DENND1A: variants seen among roughly 807,000 people sequenced by gnomAD.
DENND1A encodes the protein DENN domain-containing protein 1A.
DENND1A carries 51 observed loss-of-function variants against 113.7 expected under a neutral mutation model. The ratio of observed to expected loss-of-function variants is 0.45; its 90% CI spans 0.36 to 0.57. DENND1A has a LOEUF of 0.57. DENND1A is among the 20% of genes least tolerant of loss of function. The pLI, the probability that DENND1A is intolerant of heterozygous loss-of-function variation, is 0.00. For missense variants in DENND1A, 1,258 were observed against 1,395.9 expected (o/e 0.90, Z 1.57); for synonymous variants, 565 against 570.8 (o/e 0.99, Z 0.14).
At chr9:123,447,534 A>G (rs2047394618) in intron 18 of DENND1A, among the ~76,000 whole-genome samples, 1 of 152,114 alleles carries the variant, frequency 6.6e-6, no homozygotes, top group South Asian at 2.1e-4. Flanking sequence ...CACATTTTCT[A>G]TTTGCAATTC....
rs1434785869 is a variant in DENND1A, at chr9:123,386,455, C to T, written c.1760+1275G>A. On this transcript the variant is annotated intron_variant, in intron 22 of 23. Transcript: ENST00000394215. ...GGAGTACAGCAGTGTGATCTCGGCT[C>T]ACTGCAACCTCCGCCTCCCGGGTTC... 3.4e-5 allele frequency among the ~76,000 whole-genome samples: 5 copies of T among 146,842 alleles called. No homozygotes were observed. The Middle Eastern group carries it at 0.011, about 310-fold the overall frequency.
intron 2 of DENND1A, among the ~76,000 whole-genome samples, chr9:123,808,553 G>GT (rs1835994956): frequency 6.6e-6 from 1 of 151,856 alleles, no homozygotes; most frequent in Admixed American, 6.6e-5. Context: ...ACTAATATTT[G>GT]TATTTTTTTG....
chr9:123,744,209 C>T (rs1277473786), intron 5 of DENND1A, among the ~76,000 whole-genome samples: 1 of 152,158 alleles, frequency 6.6e-6, no homozygotes, highest in East Asian at 1.9e-4. Context: ...CTTTGGGATC[C>T]GATCCCCCAC....
chr9:123,396,476 C>T (rs530973571), intron 21 of DENND1A, among the ~76,000 whole-genome samples: 143 of 152,356 alleles, frequency 9.4e-4, no homozygotes, highest in Non-Finnish European at 1.6e-3. Flanking sequence ...AGTCTAGGCT[C>T]GAGGAGGGCA....
At chr9:123,785,645 G>A (rs539357067) in intron 3 of DENND1A, among the ~76,000 whole-genome samples, 2 of 152,284 alleles carry the variant, frequency 1.3e-5, no homozygotes, top group South Asian at 2.1e-4. Context: ...TTAGAAATCT[G>A]TAATGCAGTC....
chr9:123,829,771 T>A (rs1839910584), intron 2 of DENND1A, among the ~76,000 whole-genome samples: 1 of 152,182 alleles, frequency 6.6e-6, no homozygotes, highest in Non-Finnish European at 1.5e-5. Context: ...TATGGCTTCA[T>A]TAGTAAGTTC....
chr9:123,619,008 C>T (rs544693678), intron 10 of DENND1A, among the ~76,000 whole-genome samples: 9 of 152,140 alleles, frequency 5.9e-5, no homozygotes, highest in African/African-American at 9.7e-5. Context: ...AGTGCAGTGA[C>T]GCGATCTCAG....
At chr9:123,612,504 A>G (rs1262204780) in intron 10 of DENND1A, among the ~76,000 whole-genome samples, 1 of 152,212 alleles carries the variant, frequency 6.6e-6, no homozygotes, top group Non-Finnish European at 1.5e-5. Flanking sequence ...TAACAGCTTT[A>G]TATCTTTGAA....
chr9:123,812,228 T>C (rs928309607), intron 2 of DENND1A, among the ~76,000 whole-genome samples: 5 of 152,246 alleles, frequency 3.3e-5, no homozygotes, highest in Non-Finnish European at 7.3e-5. Flanking sequence ...ATTTTGCAGA[T>C]AGTACTTTTA....
At chr9:123,522,106 T>A (rs1052266424) in intron 13 of DENND1A, among the ~76,000 whole-genome samples, 3 of 152,202 alleles carry the variant, frequency 2.0e-5, no homozygotes, top group Non-Finnish European at 4.4e-5. Context: ...ATGACTAAAT[T>A]GCCCAACAAT....
intron 10 of DENND1A, among the ~76,000 whole-genome samples, chr9:123,613,042 TG>T (rs955627894): frequency 1.5e-4 from 23 of 152,272 alleles, no homozygotes; most frequent in Admixed American, 1.3e-3. Context: ...CTGGTAAGAA[TG>T]GTCAAGATGC....
chr9:123,562,884 TCCC>T (rs1445845780), intron 12 of DENND1A, among the ~76,000 whole-genome samples: 1 of 152,078 alleles, frequency 6.6e-6, no homozygotes, highest in Non-Finnish European at 1.5e-5. Flanking sequence ...TGGACTGAGT[TCCC>T]CGCAGGGCCA....
chr9:123,552,039 C>CAGAGAG lies in DENND1A; in HGVS notation c.993+5525_993+5530dup, dbSNP rs58452320. On this transcript the variant is annotated intron_variant, in intron 13 of 23. Coordinates refer to ENST00000394215, the MANE Select transcript of DENND1A (RefSeq NM_001352964.2). Reference sequence around the variant, plus strand: ...AGAGCGAGAGAGAGAGAGAGAGAGACAGAGAGAGAGAGAGAGAGAGAGAGA... The same window carrying CAGAGAG: ...AGAGCGAGAGAGAGAGAGAGAGAGACAGAGAGAGAGAGAGAGAGAGAGAGAGAGAGA... Among the ~76,000 whole-genome samples, 738 of 128,392 alleles carry CAGAGAG rather than the reference C, an allele frequency of 5.7e-3. 8 individuals are homozygous for CAGAGAG. The highest frequency in any genetic ancestry group is 0.015 in the African/African-American group (492 of 32,512). 84.2% of individuals were successfully genotyped at this position (128,392 alleles called of 152,430 possible). A position where few individuals can be genotyped will look rare whatever the true frequency, so the allele number is the denominator to read the frequency against.
At chr9:123,796,860 C>T (rs1590122009) in intron 2 of DENND1A, among the ~76,000 whole-genome samples, 1 of 151,980 alleles carries the variant, frequency 6.6e-6, no homozygotes, top group South Asian at 2.1e-4. Context: ...CAAGGCATGA[C>T]ATATTTTTAA....
chr9:123,660,416 A>G (rs1338821637), intron 8 of DENND1A, among the ~76,000 whole-genome samples: 22 of 152,148 alleles, frequency 1.4e-4, no homozygotes, highest in Admixed American at 1.4e-3. Flanking sequence ...GGTAGCATAC[A>G]GTGCAGACAG....
chr9:123,620,858 A>T (rs935151697), intron 10 of DENND1A, among the ~76,000 whole-genome samples: 5 of 152,112 alleles, frequency 3.3e-5, no homozygotes, highest in East Asian at 1.9e-4. Context: ...CTTAAAAAAA[A>T]ATATCTCTAT....
intron 1 of DENND1A, among the ~76,000 whole-genome samples, chr9:123,884,991 G>A (rs541824354): frequency 4.7e-5 from 6 of 127,326 alleles, no homozygotes; most frequent in African/African-American, 1.8e-4. Context: ...ACCTGCGAGC[G>A]CGCGCGCACA....
intron 3 of DENND1A, among the ~76,000 whole-genome samples, chr9:123,786,920 A>G (rs1832269754): frequency 6.6e-6 from 1 of 152,156 alleles, no homozygotes; most frequent in South Asian, 2.1e-4. Flanking sequence ...ACTTTGGAAA[A>G]GAATTAAAAA....
chr9:123,468,655 T>C (rs2133289048), intron 13 of DENND1A, among the ~76,000 whole-genome samples: 1 of 152,332 alleles, frequency 6.6e-6, no homozygotes, highest in East Asian at 1.9e-4. Flanking sequence ...CTGTGGCAGC[T>C]GCCAAGGAGC....
Sources: allele counts gnomAD v4.1 joint callset (sites outside exome capture counted in the v4.1 genomes callset), GRCh38; gene constraint gnomAD v4.1.1; transcripts MANE v1.5; gene names NCBI Gene and HGNC (gene_info 2026-07-23, HGNC 2026-07-21).